Variants in NPAS3 observed in about 807,000 individuals in gnomAD.
The protein encoded by NPAS3 is neuronal PAS domain protein 3.
Under a neutral mutation model 73.1 loss-of-function variants are expected in NPAS3, and 14 were observed. The ratio of observed to expected loss-of-function variants is 0.19; its 90% CI spans 0.13 to 0.30. NPAS3 has a LOEUF of 0.30. Among genes scored for constraint, NPAS3 ranks in the 10% least tolerant of loss-of-function variants. NPAS3 has a pLI of 1.00. For synonymous variants in NPAS3, 620 were observed against 541.5 expected (o/e 1.14, Z -2.01); for missense variants, 1,096 against 1,250.0 (o/e 0.88, Z 1.86).
At chr14:33,291,801 T>C (rs557895721) in intron 3 of NPAS3, among the ~76,000 whole-genome samples, 4 of 152,238 alleles carry the variant, frequency 2.6e-5, no homozygotes, top group Non-Finnish European at 5.9e-5. Context: ...TGTCATTTTA[T>C]AATAACACTC....
intron 6 of NPAS3, among the ~76,000 whole-genome samples, chr14:33,696,474 C>T (rs1364837219): frequency 1.3e-5 from 2 of 152,134 alleles, no homozygotes; most frequent in African/African-American, 4.8e-5. Context: ...AAACATGAAG[C>T]GTTTCATTTG....
chr14:33,063,248 C>G (rs1566519670), intron 2 of NPAS3, among the ~76,000 whole-genome samples: 1 of 152,154 alleles, frequency 6.6e-6, no homozygotes, highest in East Asian at 1.9e-4. Context: ...ACGTCAGGCA[C>G]TGGGCTAATG....
intron 5 of NPAS3, among the ~76,000 whole-genome samples, chr14:33,584,680 A>C (rs1255580880): frequency 6.6e-6 from 1 of 152,210 alleles, no homozygotes; most frequent in East Asian, 1.9e-4. Context: ...AGCCTCATGA[A>C]ACATACCCAG....
At chr14:33,028,983 C>T (rs751485843) in intron 1 of NPAS3, among the ~76,000 whole-genome samples, 1 of 152,034 alleles carries the variant, frequency 6.6e-6, no homozygotes, top group African/African-American at 2.4e-5. Flanking sequence ...CTCCTTCCCC[C>T]CCGCCCCTGA....
At chr14:33,202,410 A>G (rs993399338) in intron 2 of NPAS3, among the ~76,000 whole-genome samples, 1 of 152,148 alleles carries the variant, frequency 6.6e-6, no homozygotes, top group African/African-American at 2.4e-5. Context: ...CTTAAAAAAA[A>G]AAAGAGAGAA....
chr14:33,202,931 C>T (rs1020272979), intron 2 of NPAS3, among the ~76,000 whole-genome samples: 3 of 152,078 alleles, frequency 2.0e-5, no homozygotes, highest in Non-Finnish European at 4.4e-5. Context: ...TGAATAATAT[C>T]GTAAGAAAAG....
chr14:33,345,091 C>T (rs2044665975), intron 3 of NPAS3, among the ~76,000 whole-genome samples: 1 of 152,184 alleles, frequency 6.6e-6, no homozygotes, highest in South Asian at 2.1e-4. Flanking sequence ...GTATTGTTAA[C>T]AGGGATGGAT....
At chr14:33,793,349 T>C (rs909978182) in intron 9 of NPAS3, among the ~76,000 whole-genome samples, 1 of 152,194 alleles carries the variant, frequency 6.6e-6, no homozygotes, top group South Asian at 2.1e-4. Context: ...CTGACCAGTG[T>C]AAATTTAGTT....
intron 1 of NPAS3, among the ~76,000 whole-genome samples, chr14:33,001,433 TC>T (rs1425415259): frequency 2.0e-5 from 3 of 152,160 alleles, no homozygotes; most frequent in Admixed American, 6.5e-5. Flanking sequence ...TTTGCTAGTA[TC>T]TTATGAATCT....
chr14:33,394,897 T>C (rs2047156417), intron 4 of NPAS3, among the ~76,000 whole-genome samples: 2 of 152,282 alleles, frequency 1.3e-5, no homozygotes, highest in South Asian at 4.1e-4. Context: ...ATTTAAAATA[T>C]GCACTCAGGT....
intron 3 of NPAS3, among the ~76,000 whole-genome samples, chr14:33,349,244 T>C (rs2044902356): frequency 6.6e-6 from 1 of 152,254 alleles, no homozygotes; most frequent in Admixed American, 6.5e-5. Flanking sequence ...ATGTTTTTCC[T>C]AGCCTATTTA....
chr14:32,937,022 AGAT>A (rs2035717757), upstream of NPAS3, among the ~76,000 whole-genome samples: 1 of 151,820 alleles, frequency 6.6e-6, no homozygotes, highest in South Asian at 2.1e-4. Context: ...GCAGAAGAGA[AGAT>A]GATAGCTGTG....
chr14:33,168,453 C>T (rs1040713354), intron 2 of NPAS3, among the ~76,000 whole-genome samples: 3 of 152,170 alleles, frequency 2.0e-5, no homozygotes, highest in African/African-American at 7.2e-5. Context: ...GCATATCATT[C>T]CAAAGACAGG....
At chr14:33,115,388 C>A (rs2043029005) in intron 2 of NPAS3, among the ~76,000 whole-genome samples, 1 of 152,104 alleles carries the variant, frequency 6.6e-6, no homozygotes, top group South Asian at 2.1e-4. Flanking sequence ...GGTCATGTAC[C>A]CAGTCGTGCT....
chr14:33,577,354 G>T, intron 5 of NPAS3, among the ~76,000 whole-genome samples: 1 of 152,254 alleles, frequency 6.6e-6, no homozygotes, highest in African/African-American at 2.4e-5. Flanking sequence ...TGCTTTCTGA[G>T]ATTTGTGAGG....
chr14:33,700,314 GCA>G (rs1294556763), intron 6 of NPAS3, among the ~76,000 whole-genome samples: 3 of 152,196 alleles, frequency 2.0e-5, no homozygotes, highest in Non-Finnish European at 4.4e-5. Context: ...CTGCATCCGA[GCA>G]CAGAGCTCAA....
chr14:33,067,920 C>T (rs375389453), intron 2 of NPAS3, among the ~76,000 whole-genome samples: 1 of 152,214 alleles, frequency 6.6e-6, no homozygotes, highest in African/African-American at 2.4e-5. Context: ...TCTCTCTTGT[C>T]TCAAATATTC....
At position 33,282,316 on chromosome 14, in the gene NPAS3, TTG is replaced by T. The variant is rs1332514859; in HGVS notation, c.385+66891_385+66892del. Reference sequence around the variant, plus strand: ...TTAAACTGTCTTTTAGCTGAAATGCTTGCAAAGCGTCCAGTTCTGTGCCTGGC... The same window carrying T: ...TTAAACTGTCTTTTAGCTGAAATGCTCAAAGCGTCCAGTTCTGTGCCTGGC... On this transcript the variant is annotated intron_variant, in intron 3 of 11. Transcript: ENST00000356141. Among the ~76,000 whole-genome samples, 3 of 152,228 alleles carry T rather than the reference TTG, an allele frequency of 2.0e-5. No homozygotes were observed. In the East Asian group the frequency reaches 5.8e-4, roughly 29 times the overall value.
intron 3 of NPAS3, among the ~76,000 whole-genome samples, chr14:33,339,978 G>C (rs1038604333): frequency 6.6e-6 from 1 of 152,218 alleles, no homozygotes; most frequent in African/African-American, 2.4e-5. Flanking sequence ...ATGTGAGGCA[G>C]AGACAACAAG....
Sources: allele counts gnomAD v4.1 joint callset (sites outside exome capture counted in the v4.1 genomes callset), GRCh38; gene constraint gnomAD v4.1.1; transcripts MANE v1.5; gene names NCBI Gene and HGNC (gene_info 2026-07-23, HGNC 2026-07-21).